RALGAPA1: variants seen among roughly 807,000 people sequenced by gnomAD.
The protein encoded by RALGAPA1 is Ral GTPase activating protein catalytic subunit alpha 1.
In RALGAPA1, 52 loss-of-function variants were observed where a neutral mutation model predicts 269.6. The ratio of observed to expected loss-of-function variants is 0.19; its 90% CI spans 0.15 to 0.24. The LOEUF is 0.24. Ranked by LOEUF, RALGAPA1 falls within the 10% of genes least tolerant of loss-of-function variation. RALGAPA1 has a pLI of 1.00. For synonymous variants in RALGAPA1, 817 were observed against 1,008.3 expected, an observed-to-expected ratio of 0.81 and a Z score of 3.60; for missense variants, 1,917 against 3,013.9, an observed-to-expected ratio of 0.64 and a Z score of 8.52.
At chr14:35,760,021 A>T (rs758856548) in intron 6 of RALGAPA1, among the ~76,000 whole-genome samples, 3 of 152,196 alleles carry the variant, frequency 2.0e-5, no homozygotes, top group Non-Finnish European at 4.4e-5. Flanking sequence ...TACATTTTTA[A>T]ATAGCAGTAC....
intron 1 of RALGAPA1, chr14:35,808,018 T>A (rs1028875733): frequency 6.6e-6 from 1 of 152,184 alleles, no homozygotes; most frequent in Non-Finnish European, 1.5e-5. Flanking sequence ...GCCTACCAAA[T>A]GACTAAGTAT....
chr14:35,655,918 GCAA>G lies in RALGAPA1; in HGVS notation c.5388-6_5388-4del, dbSNP rs1185874524. 2 of 1,612,300 alleles carry G rather than the reference GCAA, an allele frequency of 1.2e-6. No homozygotes were observed. Among genetic ancestry groups the G allele is most frequent in the Non-Finnish European group, 1.7e-6 (2 of 1,179,362 alleles). On this transcript the variant is annotated splice_region_variant and splice_polypyrimidine_tract_variant and intron_variant, in intron 28 of 41. Coordinates refer to ENST00000680220, the MANE Select transcript of RALGAPA1 (RefSeq NM_001346249.2). Reference sequence around the variant, plus strand: ...CTAAACTACAAAGTGCTACACATCTGCAAAAAAGGCAAACAACAACGGTTACAT... The same window carrying G: ...CTAAACTACAAAGTGCTACACATCTGAAAAGGCAAACAACAACGGTTACAT...
chr14:35,800,238 C>T (rs74918897), intron 1 of RALGAPA1, among the ~76,000 whole-genome samples: 1,634 of 152,286 alleles, frequency 0.011, 33 homozygotes, highest in African/African-American at 0.037. Flanking sequence ...ACAAGCAACT[C>T]GTCCTAATTG....
Position 35,723,231 on chromosome 14 carries a change from T to G in RALGAPA1, c.1900A>C (p.Asn634His). 1 of 1,611,612 alleles carries G rather than the reference T, an allele frequency of 6.2e-7. No individual in the cohort carries two copies. The highest frequency in any genetic ancestry group is 8.5e-7 in the Non-Finnish European group (1 of 1,177,936). The change falls in exon 15 of 42, where the codon AAT (asparagine) becomes CAT (histidine). Residue 634 changes from asparagine (N) to histidine (H), a missense_variant. By Grantham distance (68) the Asn-to-His change is moderately conservative. Coordinates refer to ENST00000680220, the MANE Select transcript of RALGAPA1 (RefSeq NM_001346249.2). ...CAAAGTTCTCGGGAGATGTACACATTTAGGTTTGCTTTGATCCAGGCAACT... is the reference window on the plus strand; with the variant it reads ...CAAAGTTCTCGGGAGATGTACACATGTAGGTTTGCTTTGATCCAGGCAACT... ...LIVAWIKANL[N>H]VYISRELWDD...
At chr14:35,796,714 G>C (rs2076585433) in intron 1 of RALGAPA1, among the ~76,000 whole-genome samples, 3 of 151,422 alleles carry the variant, frequency 2.0e-5, no homozygotes, top group African/African-American at 7.3e-5. Context: ...CAAGAATACA[G>C]TAGAGTAAAA....
chr14:35,685,836 G>T (rs1003110789), intron 19 of RALGAPA1, among the ~76,000 whole-genome samples: 1 of 152,144 alleles, frequency 6.6e-6, no homozygotes, highest in Admixed American at 6.5e-5. Context: ...CCCGGGAGAC[G>T]GAGGCTGCAG....
intron 12 of RALGAPA1, among the ~76,000 whole-genome samples, chr14:35,732,647 A>G (rs1197230631): frequency 6.6e-6 from 1 of 152,242 alleles, no homozygotes; most frequent in African/African-American, 2.4e-5. Flanking sequence ...CAGTTAAAAG[A>G]GACAAAGAGG....
chr14:35,695,218 A>G (rs562687416), intron 17 of RALGAPA1, among the ~76,000 whole-genome samples: 17 of 152,018 alleles, frequency 1.1e-4, no homozygotes, highest in Non-Finnish European at 2.5e-4. Context: ...GGGCAACACA[A>G]TGAGACCCTA....
chr14:35,575,112 A>G (rs184899701), intron 37 of RALGAPA1, among the ~76,000 whole-genome samples: 1 of 142,920 alleles, frequency 7.0e-6, no homozygotes, highest in African/African-American at 2.6e-5. Flanking sequence ...TGTGCGACAC[A>G]GTGAGACTCC....
At chr14:35,753,586 A>G (rs1458680941) in intron 7 of RALGAPA1, among the ~76,000 whole-genome samples, 1 of 152,240 alleles carries the variant, frequency 6.6e-6, no homozygotes, top group African/African-American at 2.4e-5. Context: ...AAGCTAGTCA[A>G]TAAAGACTAC....
chr14:35,803,740 C>A (rs2077146635), intron 1 of RALGAPA1, among the ~76,000 whole-genome samples: 1 of 151,438 alleles, frequency 6.6e-6, no homozygotes, highest in Admixed American at 6.6e-5. Flanking sequence ...TCAAGCAATT[C>A]TCCCATCTCA....
At chr14:35,789,555 G>A (rs1009224086) in intron 1 of RALGAPA1, among the ~76,000 whole-genome samples, 3 of 151,960 alleles carry the variant, frequency 2.0e-5, no homozygotes, top group African/African-American at 4.8e-5. Context: ...TCGTGCCACT[G>A]CACTGCAGCC....
chr14:35,729,188 T>G (rs1234960410), intron 12 of RALGAPA1, among the ~76,000 whole-genome samples: 2 of 152,214 alleles, frequency 1.3e-5, no homozygotes, highest in Admixed American at 1.3e-4. Context: ...TATCCTCTTT[T>G]TCTTATTTAT....
rs1018086131 is a variant in RALGAPA1 at position 35,684,047 on chromosome 14, G to A, written c.4295-62C>T. ...TTACAAAGTAAAAATATTTACGAGA[G>A]CTAAATCAGCAAAATGATCAAACAT... is the stretch of plus-strand genomic sequence containing the variant. On this transcript the variant is annotated intron_variant, in intron 20 of 41. Coordinates refer to ENST00000680220, the MANE Select transcript of RALGAPA1 (RefSeq NM_001346249.2). The A allele has an allele frequency of 1.3e-5, 17 of 1,307,418 alleles. 1 individual carries two copies. The South Asian group carries it at 2.0e-4, about 16-fold the overall frequency. The allele number at this position is 1,307,418 out of a possible 1,614,324, so 81.0% of individuals were successfully genotyped here.
intron 35 of RALGAPA1, among the ~76,000 whole-genome samples, chr14:35,613,273 G>T (rs1414671882): frequency 6.6e-6 from 1 of 151,688 alleles, no homozygotes; most frequent in Non-Finnish European, 1.5e-5. Context: ...GTAGAGACGG[G>T]GTTTCACTAT....
chr14:35,603,988 A>G (rs569198719), intron 36 of RALGAPA1, among the ~76,000 whole-genome samples: 36 of 152,266 alleles, frequency 2.4e-4, no homozygotes, highest in African/African-American at 8.7e-4. Context: ...AATAGCTAGA[A>G]GAGGAGATTT....
chr14:35,722,534 C>T (rs1261711782), intron 15 of RALGAPA1, among the ~76,000 whole-genome samples: 1 of 151,804 alleles, frequency 6.6e-6, no homozygotes, highest in African/African-American at 2.4e-5. Context: ...ATCCCTTGAG[C>T]CTGGGAGGTC....
chr14:35,636,217 C>T lies in RALGAPA1; in HGVS notation c.5677-619G>A, dbSNP rs181017367. On this transcript the variant is annotated intron_variant, in intron 31 of 41. Coordinates refer to ENST00000680220, the MANE Select transcript of RALGAPA1 (RefSeq NM_001346249.2). ...GCACACCATCATGCCTGGATGGACA[C>T]TTTTAAACTAATGAATGCTATAAAC... 7.2e-5 allele frequency among the ~76,000 whole-genome samples: 11 copies of T among 152,188 alleles called. No homozygotes were observed. In the East Asian group the frequency reaches 1.9e-3, roughly 27 times the overall value.
intron 10 of RALGAPA1, among the ~76,000 whole-genome samples, chr14:35,746,724 C>T (rs1051516461): frequency 2.6e-5 from 4 of 151,926 alleles, no homozygotes; most frequent in African/African-American, 9.7e-5. Context: ...AACAAATACA[C>T]ACCAACACAA....
Sources: allele counts gnomAD v4.1 joint callset (sites outside exome capture counted in the v4.1 genomes callset), GRCh38; gene constraint gnomAD v4.1.1; transcripts MANE v1.5; gene names NCBI Gene and HGNC (gene_info 2026-07-23, HGNC 2026-07-21).